The following KPNA7 variants were observed in gnomAD, a reference collection of about 807,000 sequenced individuals.
KPNA7 encodes the protein importin subunit alpha-8.
Under a neutral mutation model 53.7 loss-of-function variants are expected in KPNA7, and 54 were observed. The observed-to-expected ratio is 1.01, with a 90% CI of 0.81 to 1.26. The LOEUF (loss-of-function observed/expected upper bound fraction) is 1.26, where lower values mean the gene tolerates loss of function less well. Ranked by LOEUF, KPNA7 falls within the 50% of genes most tolerant of loss-of-function variation. The pLI, the probability that KPNA7 is intolerant of heterozygous loss-of-function variation, is 0.00. For synonymous variants in KPNA7, 276 were observed against 259.3 expected, an observed-to-expected ratio of 1.06 and a Z score of -0.62; for missense variants, 640 against 644.5, an observed-to-expected ratio of 0.99 and a Z score of 0.07.
chr7:99,165,753 A>G, the KPNA7 span, among the ~76,000 whole-genome samples: 6 of 152,176 alleles, frequency 3.9e-5, no homozygotes, highest in African/African-American at 1.4e-4. Flanking sequence ...TCCCTTTGAG[A>G]CAGAGTCTTG....
intron 9 of KPNA7, among the ~76,000 whole-genome samples, chr7:99,180,529 CTCTGTCTCCG>C (rs779005625): frequency 2.1e-3 from 194 of 92,552 alleles, no homozygotes; most frequent in African/African-American, 6.7e-3. Flanking sequence ...GTCTCTATCT[CTCTGTCTCCG>C]TCTGTCTCCG....
At chr7:99,217,640 TTTTTTTTTG>T (rs1791248167) in intron 1 of KPNA7, among the ~76,000 whole-genome samples, 1 of 137,672 alleles carries the variant, frequency 7.3e-6, no homozygotes, top group African/African-American at 2.7e-5. Context: ...TTTTTTTTTT[TTTTTTTTTG>T]AGACAGAGTC....
the KPNA7 span, among the ~76,000 whole-genome samples, chr7:99,161,098 G>C: frequency 6.6e-6 from 1 of 152,142 alleles, no homozygotes; most frequent in Admixed American, 6.6e-5. Context: ...CTAACCTCAA[G>C]TGACGTGCTC....
chr7:99,175,786 A>G (rs1035347303), intron 10 of KPNA7, among the ~76,000 whole-genome samples: 3 of 152,014 alleles, frequency 2.0e-5, no homozygotes, highest in African/African-American at 7.2e-5. Flanking sequence ...TGCTGAGATT[A>G]CAGACATGAA....
At chr7:99,190,832 G>A (rs1446370884) in intron 6 of KPNA7, among the ~76,000 whole-genome samples, 1 of 151,800 alleles carries the variant, frequency 6.6e-6, no homozygotes, top group Non-Finnish European at 1.5e-5. Flanking sequence ...TATTTACAAA[G>A]CAAGCGGCCA....
At chr7:99,193,152 G>C (rs1009523961) in intron 5 of KPNA7, 51 bp from the exon 6 acceptor site, 3 of 1,165,802 alleles carry the variant, frequency 2.6e-6, no homozygotes, top group Non-Finnish European at 3.5e-6. Flanking sequence ...AGACAATCCT[G>C]AAGTGGGTGA....
At chr7:99,201,129 G>A (rs1369295210) in intron 3 of KPNA7, among the ~76,000 whole-genome samples, 3 of 152,158 alleles carry the variant, frequency 2.0e-5, no homozygotes, top group Admixed American at 6.5e-5. Context: ...TGCATTTCTA[G>A]GGAATGTCTA....
At chr7:99,199,174 A>T (rs992595912) in intron 3 of KPNA7, among the ~76,000 whole-genome samples, 1 of 152,082 alleles carries the variant, frequency 6.6e-6, no homozygotes, top group Non-Finnish European at 1.5e-5. Context: ...TATAAATTCA[A>T]TGACTCCATT....
At chr7:99,178,117 G>A (rs1012851990) in intron 9 of KPNA7, 51 bp from the exon 10 acceptor site, 2 of 1,518,826 alleles carry the variant, frequency 1.3e-6, no homozygotes, top group East Asian at 2.5e-5. Flanking sequence ...GCCTTTGGGG[G>A]ATAGGGACTC....
chr7:99,212,232 CCT>C (rs1791093230), upstream of KPNA7, among the ~76,000 whole-genome samples: 3 of 118,296 alleles, frequency 2.5e-5, no homozygotes, highest in East Asian at 2.7e-4. Context: ...CCACATGTGT[CCT>C]TTTTTTTTTT....
chr7:99,177,323 T>G (rs1362838728), intron 10 of KPNA7, among the ~76,000 whole-genome samples: 1 of 152,194 alleles, frequency 6.6e-6, no homozygotes, highest in Non-Finnish European at 1.5e-5. Context: ...CTCACGCCTG[T>G]GATCCCAGCA....
At chr7:99,164,487 G>A in the KPNA7 span, among the ~76,000 whole-genome samples, 1 of 152,094 alleles carries the variant, frequency 6.6e-6, no homozygotes, top group Non-Finnish European at 1.5e-5. Context: ...GGGGACTGTT[G>A]TGGGGTAGGG....
In KPNA7 at chr7:99,188,281, G is replaced by C; in HGVS notation, c.900+19C>G. 6.5e-7 allele frequency: 1 copy of C among 1,544,572 alleles called. No homozygotes were observed. The highest frequency in any genetic ancestry group is 8.8e-7 in the Non-Finnish European group (1 of 1,141,614). On this transcript the variant is annotated intron_variant, in intron 7 of 10. Coordinates refer to ENST00000327442, the MANE Select transcript of KPNA7 (RefSeq NM_001145715.3). ...ATGACCCGAGGACTCGAATCCACAGGGCCCAGGATTGCATTTACCAAGACA... is the reference window on the plus strand; with the variant it reads ...ATGACCCGAGGACTCGAATCCACAGCGCCCAGGATTGCATTTACCAAGACA...
At chr7:99,195,788 A>G (rs749645122) in intron 4 of KPNA7, among the ~76,000 whole-genome samples, 1 of 152,160 alleles carries the variant, frequency 6.6e-6, no homozygotes, top group Non-Finnish European at 1.5e-5. Flanking sequence ...AACCGATAGC[A>G]TTTTTCGGTA....
chr7:99,171,307 A>C (rs1798765156), downstream of KPNA7, among the ~76,000 whole-genome samples: 1 of 152,214 alleles, frequency 6.6e-6, no homozygotes, highest in Admixed American at 6.5e-5. Flanking sequence ...CAGAAGATAC[A>C]TATTAAAAGC....
chr7:99,167,492 A>G, the KPNA7 span, among the ~76,000 whole-genome samples: 3,642 of 152,072 alleles, frequency 0.024, 167 homozygotes, highest in African/African-American at 0.085. Context: ...GATAGGGTCA[A>G]AAAAAGCTGG....
chr7:99,199,801 CACAGA>C (rs143870105), intron 3 of KPNA7, among the ~76,000 whole-genome samples: 2,256 of 152,172 alleles, frequency 0.015, 45 homozygotes, highest in African/African-American at 0.051. Flanking sequence ...AAAGACAACC[CACAGA>C]ACAGAATATA....
rs372142676 is a variant in KPNA7 at position 99,196,049 on chromosome 7, T to C, written c.284+35A>G. ...CATCACTGACGCTCATTGCTAACTATGAACCTGCAACAGCAGAAGTCTGTT... is the reference window on the plus strand; with the variant it reads ...CATCACTGACGCTCATTGCTAACTACGAACCTGCAACAGCAGAAGTCTGTT... On this transcript the variant is annotated intron_variant, in intron 4 of 10. Transcript: ENST00000327442. The C allele has an allele frequency of 1.4e-5, 22 of 1,526,648 alleles. No individual in the cohort carries two copies. In the African/African-American group the frequency reaches 1.7e-4, roughly 11 times the overall value. The allele number at this position is 1,526,648 out of a possible 1,614,324, so 94.6% of individuals were successfully genotyped here.
rs764312935 is a variant in KPNA7 at position 99,192,996 on chromosome 7, A to AG, written c.636+22_636+23insC. The stretch of plus-strand genomic sequence containing the variant: ...TAAAATTTTAATTTAAAAAAAAAAA[A>AG]AGAGAAAGAAAAAGACACTTACCGG... On this transcript the variant is annotated intron_variant, in intron 6 of 10. Coordinates refer to ENST00000327442, the MANE Select transcript of KPNA7 (RefSeq NM_001145715.3). The AG allele has an allele frequency of 5.5e-5, 80 of 1,443,370 alleles. No homozygotes were observed. The African/African-American group carries it at 1.1e-3, about 20-fold the overall frequency. The allele number at this position is 1,443,370 out of a possible 1,614,324, so 89.4% of individuals were successfully genotyped here. A position where few individuals can be genotyped will look rare whatever the true frequency, so the allele number is the denominator to read the frequency against.
Sources: allele counts gnomAD v4.1 joint callset (sites outside exome capture counted in the v4.1 genomes callset), GRCh38; gene constraint gnomAD v4.1.1; transcripts MANE v1.5; gene names NCBI Gene and HGNC (gene_info 2026-07-23, HGNC 2026-07-21).